Variants in MMP26 observed in about 807,000 individuals in gnomAD.
MMP26 encodes matrix metallopeptidase 26, also known as matrix metalloproteinase-26.
Under a neutral mutation model 31.0 loss-of-function variants are expected in MMP26, and 33 were observed. The ratio of observed to expected loss-of-function variants is 1.06; its 90% CI spans 0.81 to 1.42. The LOEUF (loss-of-function observed/expected upper bound fraction) is 1.42. Among genes scored for constraint, MMP26 ranks in the 40% most tolerant of loss-of-function variants. MMP26 has a pLI of 0.00. For missense variants in MMP26, 347 were observed against 316.1 expected (o/e 1.10, Z -0.74); for synonymous variants, 122 against 114.9 (o/e 1.06, Z -0.40).
chr11:4,848,898 G>T, intron 2 of MMP26: 1 of 1,614,156 alleles, frequency 6.2e-7, no homozygotes, highest in Non-Finnish European at 8.5e-7. Context: ...TAGAAGGCAG[G>T]CTGAGGCAGG....
At chr11:4,969,746 C>T (rs1303863611) in intron 2 of MMP26, among the ~76,000 whole-genome samples, 1 of 152,080 alleles carries the variant, frequency 6.6e-6, no homozygotes, top group Non-Finnish European at 1.5e-5. Context: ...CCTTACTCAA[C>T]TTTTAAACCC....
At position 4,950,297 on chromosome 11, in the gene MMP26, A is replaced by G. The variant is rs142662881; in HGVS notation, c.-144-37771A>G. On this transcript the variant is annotated intron_variant, in intron 2 of 7. Transcript: ENST00000380390. ...TAATTAATAGAAAGCATTTCCATGG[A>G]AAGACCTCTGGGAATAAATAATATC... Among the ~76,000 whole-genome samples, 1,129 of 122,384 alleles carry G rather than the reference A, an allele frequency of 9.2e-3. 306 individuals carry two copies. Among genetic ancestry groups the G allele is most frequent in the Non-Finnish European group, 0.015 (832 of 53,856 alleles). 80.3% of individuals were successfully genotyped at this position (122,384 alleles called of 152,430 possible). A position where few individuals can be genotyped will look rare whatever the true frequency, so the allele number is the denominator to read the frequency against.
chr11:4,795,626 AG>A (rs1168294619), intron 2 of MMP26, among the ~76,000 whole-genome samples: 1 of 152,250 alleles, frequency 6.6e-6, no homozygotes, highest in East Asian at 1.9e-4. Context: ...AATGGAAATG[AG>A]TCACATTAAA....
At position 4,908,775 on chromosome 11, in the gene MMP26, GA is replaced by G. The variant is rs138360151; in HGVS notation, c.-144-79292del. The stretch of plus-strand genomic sequence containing the variant: ...TATTTTGGATAAAATAAGTGAACCA[GA>G]TTTTGGAGCACCTAAAAAAAGCTTT... On this transcript the variant is annotated intron_variant, in intron 2 of 7. Transcript: ENST00000380390. 716 of 161,954 alleles carry G rather than the reference GA, an allele frequency of 4.4e-3. 6 individuals are homozygous for G. The highest frequency in any genetic ancestry group is 0.016 in the African/African-American group (657 of 41,622). 10.0% of individuals were successfully genotyped at this position (161,954 alleles called of 1,614,324 possible).
intron 2 of MMP26, among the ~76,000 whole-genome samples, chr11:4,856,263 A>T (rs1473572615): frequency 6.6e-6 from 1 of 152,236 alleles, no homozygotes; most frequent in African/African-American, 2.4e-5. Context: ...TCCAATTAAA[A>T]GACACAGACT....
intron 1 of MMP26, chr11:4,722,644 C>A: frequency 1.5e-6 from 1 of 651,848 alleles, no homozygotes; most frequent in East Asian, 2.6e-5. Context: ...GGTGGGTCCC[C>A]TGTTCCCTGT....
At chr11:4,849,283 G>T (rs768013214) in intron 2 of MMP26, 4 of 1,495,450 alleles carry the variant, frequency 2.7e-6, no homozygotes, top group East Asian at 2.3e-5. Flanking sequence ...TGCCAAATTT[G>T]CATGAAACGT....
chr11:4,748,726 A>C (rs1020869667), intron 1 of MMP26, among the ~76,000 whole-genome samples: 2 of 152,016 alleles, frequency 1.3e-5, no homozygotes, highest in African/African-American at 4.8e-5. Flanking sequence ...AGAATAAGCA[A>C]TTGATAAAAT....
chr11:4,859,608 T>G (rs1319300319), intron 2 of MMP26: 2 of 430,904 alleles, frequency 4.6e-6, no homozygotes, highest in African/African-American at 2.0e-5. Context: ...GATTCCATTC[T>G]ACTAGACCCT....
At chr11:4,910,663 A>G (rs1355394108) in intron 2 of MMP26, among the ~76,000 whole-genome samples, 7 of 152,098 alleles carry the variant, frequency 4.6e-5, no homozygotes, top group Non-Finnish European at 8.8e-5. Context: ...TGAGCCTTTA[A>G]TTGTTTAAAG....
chr11:4,723,080 C>G, intron 1 of MMP26: 1 of 1,337,904 alleles, frequency 7.5e-7, no homozygotes, highest in South Asian at 1.2e-5. Context: ...ATGCAGCTGT[C>G]ACGGCATGTT....
intron 2 of MMP26, among the ~76,000 whole-genome samples, chr11:4,891,366 A>C (rs1850619163): frequency 6.6e-6 from 1 of 152,124 alleles, no homozygotes. Flanking sequence ...GAGGTACCAT[A>C]TACTTTTCAA....
chr11:4,722,527 A>G (rs903115691), intron 1 of MMP26, among the ~76,000 whole-genome samples: 2 of 133,966 alleles, frequency 1.5e-5, no homozygotes, highest in African/African-American at 6.4e-5. Flanking sequence ...TAGGACAGGA[A>G]AAAAAAAAAA....
At chr11:4,933,108 A>G (rs1851374655) in intron 2 of MMP26, among the ~76,000 whole-genome samples, 1 of 152,118 alleles carries the variant, frequency 6.6e-6, no homozygotes, top group African/African-American at 2.4e-5. Flanking sequence ...ATATCGTAGG[A>G]AAATATTTAA....
chr11:4,919,122 C>T (rs947544991), intron 2 of MMP26: 2 of 152,318 alleles, frequency 1.3e-5, no homozygotes, highest in East Asian at 1.9e-4. Context: ...TGAGCTGGTG[C>T]TAAGATCAGA....
chr11:4,844,694 A>G (rs1849843029), intron 2 of MMP26, among the ~76,000 whole-genome samples: 1 of 152,184 alleles, frequency 6.6e-6, no homozygotes, highest in Non-Finnish European at 1.5e-5. Flanking sequence ...CTGAAAAAGC[A>G]TGTGACAAAA....
chr11:4,983,678 T>C (rs1846846534), intron 2 of MMP26, among the ~76,000 whole-genome samples: 1 of 152,174 alleles, frequency 6.6e-6, no homozygotes, highest in Admixed American at 6.5e-5. Context: ...ATAGTTCTGA[T>C]TTTAAAAATA....
chr11:4,940,124 T>C (rs1319102346), intron 2 of MMP26, among the ~76,000 whole-genome samples: 1 of 152,002 alleles, frequency 6.6e-6, no homozygotes, highest in Non-Finnish European at 1.5e-5. Context: ...CTATTTTGAT[T>C]AATGATCTAT....
intron 2 of MMP26, chr11:4,937,901 A>G (rs1359347198): frequency 6.6e-6 from 1 of 152,230 alleles, no homozygotes; most frequent in Non-Finnish European, 1.5e-5. Context: ...CTGTATCTCA[A>G]AGGACTGTGG....
Sources: gnomAD v4.1 joint callset for allele counts (sites outside exome capture counted in the v4.1 genomes callset) on GRCh38, gnomAD v4.1.1 for gene constraint, MANE v1.5 for transcripts, NCBI Gene and HGNC (gene_info 2026-07-23, HGNC 2026-07-21) for gene names.